The following MBD3 variants were observed in gnomAD, a reference collection of about 807,000 sequenced individuals.
The protein encoded by MBD3 is methyl-CpG binding domain protein 3, also known as methyl-CpG-binding domain protein 3.
A neutral mutation model predicts 31.2 loss-of-function variants in MBD3; 13 were observed. The ratio of observed to expected loss-of-function variants is 0.42; its 90% CI spans 0.27 to 0.66. MBD3 has a LOEUF of 0.66. Ranked by LOEUF, MBD3 falls within the 30% of genes least tolerant of loss-of-function variation. The probability of loss-of-function intolerance (pLI) is 0.26; values close to 1 mark genes in which losing one functional copy is unlikely to be tolerated. For missense variants in MBD3, 440 were observed against 426.5 expected, an observed-to-expected ratio of 1.03 and a Z score of -0.28; for synonymous variants, 223 against 187.4, an observed-to-expected ratio of 1.19 and a Z score of -1.55.
At chr19:1,588,827 A>G (rs1376971817) in intron 1 of MBD3, among the ~76,000 whole-genome samples, 1 of 150,828 alleles carries the variant, frequency 6.6e-6, no homozygotes, top group Non-Finnish European at 1.5e-5. Flanking sequence ...AGAGACACAC[A>G]CAGACCACAG....
rs762380798 is a variant in MBD3 at position 1,582,656 on chromosome 19, C to G, written c.465G>C (p.Leu155=). 7 of 1,613,932 alleles carry G rather than the reference C, an allele frequency of 4.3e-6. No individual in the cohort carries two copies. The African/African-American group carries it at 9.3e-5, about 22-fold the overall frequency. The part of the protein sequence containing the change: ...GLNAFDIAEE[L]VKTMDLPKGL... The stretch of plus-strand genomic sequence containing the variant: ...CCTTGGGGAGGTCCATGGTCTTGAC[C>G]AGCTCCTCAGCAATGTCGAAGGCGT... The change falls in exon 4 of 7, where the codon CTG becomes CTC. Residue 155 remains leucine (L), a synonymous_variant. Coordinates refer to ENST00000434436, the MANE Select transcript of MBD3 (RefSeq NM_001281453.2).
chr19:1,578,656 C>A lies in MBD3; in HGVS notation c.678-118G>T, dbSNP rs533640776. 41 of 1,583,778 alleles carry A rather than the reference C, an allele frequency of 2.6e-5. 1 individual carries two copies. Among genetic ancestry groups the A allele is most frequent in the East Asian group, 8.9e-5 (4 of 44,746 alleles). On this transcript the variant is annotated intron_variant, in intron 5 of 6. Coordinates refer to ENST00000434436, the MANE Select transcript of MBD3 (RefSeq NM_001281453.2). This position sits in a 1 kb window ranked among gnomAD's most constrained non-coding sequence, Gnocchi z 6.1. ...GCCCGAGGGATCCACAGGCACCCCC[C>A]CAGGACCAGCCCTGGCCCGTGCCAC... is the stretch of plus-strand genomic sequence containing the variant.
In MBD3 at chr19:1,581,174, C is replaced by T. The variant is rs139802061; in HGVS notation, c.595G>A (p.Ala199Thr). 5 of 1,614,086 alleles carry T rather than the reference C, an allele frequency of 3.1e-6. No homozygotes were observed. The highest frequency in any genetic ancestry group is 3.4e-6 in the Non-Finnish European group (4 of 1,180,028). ...TMPITGQLSA[A>T]VEKNPGVWLN... ...CATACGCCGGGGTTCTTCTCCACGG[C>T]GGCCGAGAGCTGTCCCGTGATGGGC... is the stretch of plus-strand genomic sequence containing the variant. Residue 199 changes from alanine (A) to threonine (T), a missense_variant, in exon 5 of 7, where the codon GCC (alanine) becomes ACC (threonine). By Grantham distance (58) the Ala-to-Thr change is moderately conservative (BLOSUM62 0). Transcript: ENST00000434436.
intron 2 of MBD3, 72 bp downstream of exon 2, chr19:1,584,983 A>G: frequency 6.3e-7 from 1 of 1,585,366 alleles, no homozygotes. Flanking sequence ...TGTCGCCTGC[A>G]GCTCACGTCA....
chr19:1,588,799 A>AAAAAT (rs1194111001), intron 1 of MBD3, among the ~76,000 whole-genome samples: 1 of 151,256 alleles, frequency 6.6e-6, no homozygotes, highest in African/African-American at 2.4e-5. Context: ...AAAAAAAAAA[A>AAAAAT]AAGGTGTAAG....
In MBD3 at chr19:1,585,563, T is replaced by G; in HGVS notation, c.111-349A>C. The G allele has an allele frequency of 3.0e-6, 1 of 337,454 alleles. No individual in the cohort carries two copies. Among genetic ancestry groups the G allele is most frequent in the Non-Finnish European group, 5.7e-6 (1 of 176,870 alleles). The allele number at this position is 337,454 out of a possible 1,614,324, so 20.9% of individuals were successfully genotyped here. ...ACCCCCAACCCCGGTCCCCTCTGAA[T>G]CCTCCCCACCGTAGGCCCTGGCAGC... is the stretch of plus-strand genomic sequence containing the variant. On this transcript the variant is annotated intron_variant, in intron 1 of 6. Transcript: ENST00000434436. This position sits in a 1 kb window ranked among gnomAD's most constrained non-coding sequence, Gnocchi z 4.1.
intron 1 of MBD3, among the ~76,000 whole-genome samples, chr19:1,589,344 CAAAAAAAAAAAA>C (rs35111393): frequency 3.0e-5 from 2 of 65,638 alleles, no homozygotes; most frequent in East Asian, 4.2e-4. Context: ...AACTCGGTCT[CAAAAAAAAAAAA>C]AAAAAAAAAA....
chr19:1,579,132 TG>T (rs1344693180), intron 5 of MBD3, among the ~76,000 whole-genome samples: 2 of 119,632 alleles, frequency 1.7e-5, no homozygotes, highest in East Asian at 5.5e-4. Flanking sequence ...TGCAGTGGGC[TG>T]GGATGGCGCC....
rs1329831674 is a variant in MBD3, at chr19:1,576,075, CAA to C, written c.*2087_*2088del. The C allele has an allele frequency of 6.6e-6, 1 of 152,252 alleles. No homozygotes were observed. The highest frequency in any genetic ancestry group is 1.5e-5 in the Non-Finnish European group (1 of 68,234). The allele number at this position is 152,252 out of a possible 1,614,324, so 9.4% of individuals were successfully genotyped here. ...AAGAGGGACAGAGAGGGAGACGGCG[CAA>C]GAGAGAGACAAGAGGGAGAGATAGA... is the stretch of plus-strand genomic sequence containing the variant. On this transcript the variant is annotated 3_prime_UTR_variant, in exon 7 of 7. Transcript: ENST00000434436.
intron 2 of MBD3, 65 bp downstream of exon 2, chr19:1,584,990 G>A (rs143025059): frequency 4.4e-6 from 7 of 1,592,460 alleles, no homozygotes; most frequent in Non-Finnish European, 5.1e-6. Flanking sequence ...TGCAGCTCAC[G>A]TCATGGCCGC....
In MBD3 at chr19:1,592,847, G is replaced by T. The variant is rs924176005; in HGVS notation, c.-216C>A. 2 of 147,174 alleles carry T rather than the reference G, an allele frequency of 1.4e-5. No individual in the cohort carries two copies. Among genetic ancestry groups the T allele is most frequent in the African/African-American group, 4.9e-5 (2 of 40,798 alleles). 9.1% of individuals were successfully genotyped at this position (147,174 alleles called of 1,614,324 possible). On this transcript the variant is annotated 5_prime_UTR_variant, in exon 1 of 7. Coordinates refer to ENST00000434436, the MANE Select transcript of MBD3 (RefSeq NM_001281453.2). ...CCGCGCTCGCCAGCCCCCGCTCGGG[G>T]GGCCCGCTCCGCCCACCCGCCCGCG...
Position 1,576,270 on chromosome 19 carries a change from G to A in MBD3, c.*1894C>T, listed in dbSNP as rs368631414. ...CAGTGGCCATGGCTAGTGAGCTGAA[G>A]TCCAGGGTCCCGGGGCACAGCTCCC... is the stretch of plus-strand genomic sequence containing the variant. On this transcript the variant is annotated 3_prime_UTR_variant, in exon 7 of 7. Coordinates refer to ENST00000434436, the MANE Select transcript of MBD3 (RefSeq NM_001281453.2). 3 of 152,240 alleles carry A rather than the reference G, an allele frequency of 2.0e-5. No homozygotes were observed. Among genetic ancestry groups the A allele is most frequent in the Non-Finnish European group, 2.9e-5 (2 of 68,082 alleles). 9.4% of individuals were successfully genotyped at this position (152,240 alleles called of 1,614,324 possible).
In MBD3 at chr19:1,592,765, C is replaced by A. The variant is rs2060712630; in HGVS notation, c.-134G>T. ...CGCGGCTGTTCCGGCCCGCGGGCCCCCGCCCTCCGCCCCCAGCCGGGCGCG... is the reference window on the plus strand; with the variant it reads ...CGCGGCTGTTCCGGCCCGCGGGCCCACGCCCTCCGCCCCCAGCCGGGCGCG... On this transcript the variant is annotated 5_prime_UTR_variant, in exon 1 of 7. Coordinates refer to ENST00000434436, the MANE Select transcript of MBD3 (RefSeq NM_001281453.2). 6.1e-6 allele frequency: 1 copy of A among 165,214 alleles called. No individual in the cohort carries two copies. 10.2% of individuals were successfully genotyped at this position (165,214 alleles called of 1,614,324 possible).
rs911876867 is a variant in MBD3 at position 1,574,156 on chromosome 19, G to T, written c.*4008C>A. ...ACATGGTGAAACCCCGTCTCTACTGGGGGTGGTGGCATATGCCTGTAATCT... is the reference window on the plus strand; with the variant it reads ...ACATGGTGAAACCCCGTCTCTACTGTGGGTGGTGGCATATGCCTGTAATCT... On this transcript the variant is annotated 3_prime_UTR_variant, in exon 7 of 7. Coordinates refer to ENST00000434436, the MANE Select transcript of MBD3 (RefSeq NM_001281453.2). 2 of 152,210 alleles carry T rather than the reference G, an allele frequency of 1.3e-5. No homozygotes were observed. Among genetic ancestry groups the T allele is most frequent in the African/African-American group, 4.8e-5 (2 of 41,404 alleles). 9.4% of individuals were successfully genotyped at this position (152,210 alleles called of 1,614,324 possible). A position where few individuals can be genotyped will look rare whatever the true frequency, so the allele number is the denominator to read the frequency against.
rs929148942 is a variant in MBD3, at chr19:1,575,373, C to T, written c.*2791G>A. 6 of 377,862 alleles carry T rather than the reference C, an allele frequency of 1.6e-5. No individual in the cohort carries two copies. Among genetic ancestry groups the T allele is most frequent in the African/African-American group, 1.1e-4 (5 of 46,388 alleles). 23.4% of individuals were successfully genotyped at this position (377,862 alleles called of 1,614,324 possible). ...CCAGATCACGCCACTGCACTCCAGC[C>T]TGTGCAACAAGAGCGAAAGAAGAGC... On this transcript the variant is annotated 3_prime_UTR_variant, in exon 7 of 7. Coordinates refer to ENST00000434436, the MANE Select transcript of MBD3 (RefSeq NM_001281453.2).
rs2060674105 is a variant in MBD3 at position 1,585,315 on chromosome 19, C to T, written c.111-101G>A. On this transcript the variant is annotated intron_variant, in intron 1 of 6. Transcript: ENST00000434436. The surrounding 1 kb of genome is among the most constrained non-coding windows in gnomAD (Gnocchi z 4.1). Reference sequence around the variant, plus strand: ...CCCAGTCCCAGCCCCAGCTTCAGGTCGCGACCCCAGCCCCAGACCCCAACA... The same window carrying T: ...CCCAGTCCCAGCCCCAGCTTCAGGTTGCGACCCCAGCCCCAGACCCCAACA... 2.2e-6 allele frequency: 3 copies of T among 1,362,280 alleles called. No homozygotes were observed. Among genetic ancestry groups the T allele is most frequent in the East Asian group, 2.5e-5 (1 of 39,488 alleles). The allele number at this position is 1,362,280 out of a possible 1,614,324, so 84.4% of individuals were successfully genotyped here. A position where few individuals can be genotyped will look rare whatever the true frequency, so the allele number is the denominator to read the frequency against.
Position 1,578,487 on chromosome 19 carries a change from C to T in MBD3, c.729G>A (p.Leu243=). 2.5e-6 allele frequency: 4 copies of T among 1,611,492 alleles called. No individual in the cohort carries two copies. The highest frequency in any genetic ancestry group is 3.4e-6 in the Non-Finnish European group (4 of 1,179,908). The stretch of plus-strand genomic sequence containing the variant: ...CCACGTGCGCCAGCATGTCGGCCAT[C>T]AGCGCCTCCTCCAGCCGCTTCCGCA... The part of the protein sequence containing the change: ...QQVRKRLEEA[L]MADMLAHVEE... The change falls in exon 6 of 7, where the codon CTG becomes CTA. Residue 243 remains leucine, a synonymous_variant. Transcript: ENST00000434436. The surrounding 1 kb of genome is among the most constrained non-coding windows in gnomAD (Gnocchi z 6.1).
At position 1,585,131 on chromosome 19, in the gene MBD3, C is replaced by A; in HGVS notation, c.194G>T (p.Arg65Leu). 1.2e-6 allele frequency: 2 copies of A among 1,612,022 alleles called. No homozygotes were observed. The highest frequency in any genetic ancestry group is 8.5e-7 in the Non-Finnish European group (1 of 1,179,492). ...GSMDLSTFDFRTGKMLMSKMN... is the reference protein window; with the variant it reads ...GSMDLSTFDFLTGKMLMSKMN... ...CTTGCTCATCAGCATCTTGCCCGTG[C>A]GGAAGTCGAAGGTGCTCAGGTCCAT... is the stretch of plus-strand genomic sequence containing the variant. Residue 65 changes from arginine to leucine, a missense_variant, in exon 2 of 7, where the codon CGC (arginine) becomes CTC (leucine). Transcript: ENST00000434436. This position sits in a 1 kb window ranked among gnomAD's most constrained non-coding sequence, Gnocchi z 4.1.
chr19:1,576,553 A>G lies in MBD3; in HGVS notation c.*1611T>C, dbSNP rs1423466573. On this transcript the variant is annotated 3_prime_UTR_variant, in exon 7 of 7. Coordinates refer to ENST00000434436, the MANE Select transcript of MBD3 (RefSeq NM_001281453.2). ...CCTAAGCCTGACTCTTGGGTTGTGA[A>G]TGTCCGCGAGGTTGGGGGACCTGCT... The G allele has an allele frequency of 6.6e-6, 1 of 152,214 alleles. No individual in the cohort carries two copies. The highest frequency in any genetic ancestry group is 1.5e-5 in the Non-Finnish European group (1 of 68,042). The allele number at this position is 152,214 out of a possible 1,614,324, so 9.4% of individuals were successfully genotyped here. A position where few individuals can be genotyped will look rare whatever the true frequency, so the allele number is the denominator to read the frequency against.
Sources: allele counts gnomAD v4.1 joint callset (sites outside exome capture counted in the v4.1 genomes callset), GRCh38; gene constraint gnomAD v4.1.1; non-coding constraint Gnocchi (gnomAD v3.1); transcripts MANE v1.5; gene names NCBI Gene and HGNC (gene_info 2026-07-23, HGNC 2026-07-21).